Variants in AFDN observed in about 807,000 individuals in gnomAD.
AFDN encodes the protein afadin, adherens junction formation factor.
A neutral mutation model predicts 216.6 loss-of-function variants in AFDN; 68 were observed. That is an observed-to-expected ratio of 0.31 (90% CI 0.26 to 0.38). AFDN has a LOEUF of 0.38. Ranked by LOEUF, AFDN falls within the 10% of genes least tolerant of loss-of-function variation. The probability of loss-of-function intolerance (pLI) is 1.00; values close to 1 mark genes in which losing one functional copy is unlikely to be tolerated. For missense variants in AFDN, 2,136 were observed against 2,342.0 expected (o/e 0.91, Z 1.82); for synonymous variants, 868 against 853.7 (o/e 1.02, Z -0.29).
chr6:167,911,240 T>C (rs751348688), intron 14 of AFDN, 44 bp from the exon 15 acceptor site: 1 of 1,604,076 alleles, frequency 6.2e-7, no homozygotes, highest in African/African-American at 1.3e-5. Flanking sequence ...CATTCGTTTT[T>C]ATTCTTTTTT....
rs1791189866 is a variant in AFDN, at chr6:167,917,200, C to T, written c.2677C>T (p.His893Tyr). 1 of 1,608,796 alleles carries T rather than the reference C, an allele frequency of 6.2e-7. No individual in the cohort carries two copies. The highest frequency in any genetic ancestry group is 8.5e-7 in the Non-Finnish European group (1 of 1,178,442). ...LQLQALLQNY[H>Y]CAPDEPFIPT... The stretch of plus-strand genomic sequence containing the variant: ...ACTTCAAGCCTTATTACAGAACTAT[C>T]ACTGTGCACCTGATGAGCCTTTTAT... Residue 893 changes from histidine (H) to tyrosine (Y), a missense_variant, in exon 20 of 34, where the codon CAC becomes TAC. Physicochemically the swap from His to Tyr is moderately conservative, Grantham distance 83 (BLOSUM62 2). Coordinates refer to ENST00000683244, the MANE Select transcript of AFDN (RefSeq NM_001386888.1).
At chr6:167,877,433 T>C (rs1464556977) in intron 5 of AFDN, among the ~76,000 whole-genome samples, 1 of 151,588 alleles carries the variant, frequency 6.6e-6, no homozygotes, top group Non-Finnish European at 1.5e-5. Context: ...TTAAGAGGAG[T>C]CATCAAAGCA....
rs1160076880 is a variant in AFDN, at chr6:167,951,176, C to T, written c.3832-10C>T. Reference sequence around the variant, plus strand: ...TGGCTGAAATATAATAATTCTTTTTCTTTTTGCAGCGTGTTACACGTTCCC... The same window carrying T: ...TGGCTGAAATATAATAATTCTTTTTTTTTTTGCAGCGTGTTACACGTTCCC... On this transcript the variant is annotated splice_polypyrimidine_tract_variant and intron_variant, in intron 29 of 33. Transcript: ENST00000683244. The surrounding 1 kb of genome is among the most constrained non-coding windows in gnomAD (Gnocchi z 7.1). The T allele has an allele frequency of 6.6e-7, 1 of 1,516,458 alleles. No individual in the cohort carries two copies. Among genetic ancestry groups the T allele is most frequent in the Non-Finnish European group, 8.8e-7 (1 of 1,133,422 alleles). 93.9% of individuals were successfully genotyped at this position (1,516,458 alleles called of 1,614,324 possible).
rs528182957 is a variant in AFDN at position 167,918,649 on chromosome 6, T to G, written c.2710-86T>G. 1.3e-5 allele frequency: 15 copies of G among 1,190,168 alleles called. No homozygotes were observed. The African/African-American group carries it at 1.5e-4, about 12-fold the overall frequency. 73.7% of individuals were successfully genotyped at this position (1,190,168 alleles called of 1,614,324 possible). A position where few individuals can be genotyped will look rare whatever the true frequency, so the allele number is the denominator to read the frequency against. On this transcript the variant is annotated intron_variant, in intron 20 of 33. Transcript: ENST00000683244. ...GTCTGTGAGATAAGCTGTGCTGCAG[T>G]GAGCAGACAGCCTTTGAATAGTTGT... is the stretch of plus-strand genomic sequence containing the variant.
intron 6 of AFDN, among the ~76,000 whole-genome samples, chr6:167,888,076 G>T (rs1304393465): frequency 1.3e-5 from 2 of 152,152 alleles, no homozygotes; most frequent in African/African-American, 4.8e-5. Context: ...GAGGATTCTG[G>T]TTCCATGTGA....
At chr6:167,959,141 C>T (rs967333212) in intron 30 of AFDN, among the ~76,000 whole-genome samples, 2 of 152,212 alleles carry the variant, frequency 1.3e-5, no homozygotes, top group African/African-American at 4.8e-5. Flanking sequence ...TTGTGGATTA[C>T]GGTGTTAAGT....
At chr6:167,925,937 A>C (rs1269179750) in intron 23 of AFDN, among the ~76,000 whole-genome samples, 2 of 152,180 alleles carry the variant, frequency 1.3e-5, no homozygotes, top group South Asian at 4.1e-4. Flanking sequence ...CACTTTGGCC[A>C]CTACAATTTG....
intron 1 of AFDN, among the ~76,000 whole-genome samples, chr6:167,830,233 A>G (rs1403504138): frequency 1.3e-5 from 2 of 152,200 alleles, no homozygotes; most frequent in Non-Finnish European, 2.9e-5. Context: ...TCACCTCCTT[A>G]GAAGAGGGCT....
intron 13 of AFDN, among the ~76,000 whole-genome samples, chr6:167,910,459 A>G (rs1252699607): frequency 6.6e-6 from 1 of 152,240 alleles, no homozygotes; most frequent in East Asian, 1.9e-4. Context: ...TGTATTTATA[A>G]TTTTTGACAG....
intron 2 of AFDN, among the ~76,000 whole-genome samples, chr6:167,866,743 T>C (rs574269942): frequency 2.2e-4 from 34 of 152,326 alleles, no homozygotes; most frequent in African/African-American, 7.5e-4. Context: ...TTTGTATGTA[T>C]GTGATGCCGA....
intron 2 of AFDN, among the ~76,000 whole-genome samples, chr6:167,865,397 T>G (rs188184669): frequency 2.4e-4 from 37 of 152,030 alleles, no homozygotes; most frequent in African/African-American, 8.4e-4. Flanking sequence ...TTTGGGAGGC[T>G]GAGGTGGGAA....
chr6:167,834,420 A>G (rs1253839773), intron 1 of AFDN, among the ~76,000 whole-genome samples: 2 of 137,816 alleles, frequency 1.5e-5, no homozygotes, highest in Non-Finnish European at 3.1e-5. Flanking sequence ...TGTGAATGCC[A>G]TTAATTGGAA....
intron 28 of AFDN, 40 bp downstream of exon 28, chr6:167,947,984 C>A: frequency 6.8e-7 from 1 of 1,460,482 alleles, no homozygotes; most frequent in Non-Finnish European, 9.6e-7. Context: ...TACTGCATTT[C>A]CATCCTTAGG....
At chr6:167,964,091 G>A (rs1360496766) in intron 31 of AFDN, 28 of 1,063,952 alleles carry the variant, frequency 2.6e-5, no homozygotes, top group Non-Finnish European at 3.2e-5. Flanking sequence ...AAACTCTTGG[G>A]TTATTTAATT....
At chr6:167,870,567 ATG>A in intron 3 of AFDN, 69 bp downstream of exon 3, 1 of 846,380 alleles carries the variant, frequency 1.2e-6, no homozygotes, top group Non-Finnish European at 1.8e-6. Flanking sequence ...CAGGAGACTG[ATG>A]TTTTGTTACA....
chr6:167,849,577 G>GA (rs1250209018), intron 1 of AFDN, among the ~76,000 whole-genome samples: 1 of 152,046 alleles, frequency 6.6e-6, no homozygotes, highest in African/African-American at 2.4e-5. Flanking sequence ...CCCTGTCTTT[G>GA]AGTTCATGCC....
intron 31 of AFDN, chr6:167,964,614 CTGTG>C (rs369928994): frequency 0.11 from 105,375 of 951,606 alleles, 1,965 homozygotes; most frequent in African/African-American, 0.21. Context: ...CGTATTCACT[CTGTG>C]TGTGTGTGTG....
intron 1 of AFDN, among the ~76,000 whole-genome samples, chr6:167,830,744 T>C (rs1003231285): frequency 1.3e-5 from 2 of 152,164 alleles, no homozygotes; most frequent in African/African-American, 4.8e-5. Flanking sequence ...ATACTCTGAT[T>C]AATCGAGAAG....
At chr6:167,841,662 C>T (rs1781088201) in intron 1 of AFDN, among the ~76,000 whole-genome samples, 1 of 152,084 alleles carries the variant, frequency 6.6e-6, no homozygotes, top group Non-Finnish European at 1.5e-5. Context: ...CTCTTAAATG[C>T]CCCCCTTCCT....
Sources: allele counts gnomAD v4.1 joint callset (sites outside exome capture counted in the v4.1 genomes callset), GRCh38; gene constraint gnomAD v4.1.1; non-coding constraint Gnocchi (gnomAD v3.1); transcripts MANE v1.5; gene names NCBI Gene and HGNC (gene_info 2026-07-23, HGNC 2026-07-21).